EPHB4: variants seen among roughly 807,000 people sequenced by gnomAD.
The protein encoded by EPHB4 is EPH receptor B4, also known as ephrin type-B receptor 4.
EPHB4 carries 50 observed loss-of-function variants against 110.6 expected under a neutral mutation model. That is an observed-to-expected ratio of 0.45 (90% CI 0.36 to 0.57). The LOEUF (loss-of-function observed/expected upper bound fraction) is 0.57, where lower values mean the gene tolerates loss of function less well. Among genes scored for constraint, EPHB4 ranks in the 20% least tolerant of loss-of-function variants. EPHB4 has a pLI of 0.00. For missense variants in EPHB4, 1,128 were observed against 1,382.1 expected, an observed-to-expected ratio of 0.82 and a Z score of 2.91; for synonymous variants, 592 against 578.4, an observed-to-expected ratio of 1.02 and a Z score of -0.34.
At chr7:100,816,696 A>AC (rs1255024562) in intron 8 of EPHB4, among the ~76,000 whole-genome samples, 14 of 152,034 alleles carry the variant, frequency 9.2e-5, no homozygotes, top group African/African-American at 2.9e-4. Flanking sequence ...AGCAGGCCAG[A>AC]CTTCACAAAA....
At position 100,823,816 on chromosome 7, in the gene EPHB4, C is replaced by T. The variant is rs770404999; in HGVS notation, c.239G>A (p.Arg80Gln). ...AHWLRTGWVPRRGAVHVYATL... is the reference protein window; with the variant it reads ...AHWLRTGWVPQRGAVHVYATL... ...GGCGTACACGTGGACGGCGCCCCGCCGTGGGACCCAACCTGTGCGAAGCCA... is the reference window on the plus strand; with the variant it reads ...GGCGTACACGTGGACGGCGCCCCGCTGTGGGACCCAACCTGTGCGAAGCCA... Residue 80 changes from arginine to glutamine, a missense_variant, in exon 3 of 17, where the codon CGG becomes CAG. By Grantham distance (43) the Arg-to-Gln change is conservative (BLOSUM62 1). This residue lies in a region of EPHB4 where 728 missense variants were observed against 828.6 expected (regional missense o/e 0.88). Coordinates refer to ENST00000358173, the MANE Select transcript of EPHB4 (RefSeq NM_004444.5). The T allele has an allele frequency of 8.1e-6, 13 of 1,613,160 alleles. No individual in the cohort carries two copies. The highest frequency in any genetic ancestry group is 2.7e-5 in the African/African-American group (2 of 74,936).
chr7:100,806,413 C>T lies in EPHB4; in HGVS notation c.2484+7G>A. On this transcript the variant is annotated splice_region_variant and intron_variant, in intron 14 of 16. Transcript: ENST00000358173. ...AGGAAAGCTTGGTAGGACCACGGGACACTTACGTCCTGATTGCTCATGTCC... is the reference window on the plus strand; with the variant it reads ...AGGAAAGCTTGGTAGGACCACGGGATACTTACGTCCTGATTGCTCATGTCC... 6.2e-7 allele frequency: 1 copy of T among 1,609,718 alleles called. No homozygotes were observed. The highest frequency in any genetic ancestry group is 1.1e-5 in the South Asian group (1 of 90,598).
chr7:100,806,282 A>G, intron 14 of EPHB4, 138 bp downstream of exon 14: 5 of 1,107,644 alleles, frequency 4.5e-6, no homozygotes, highest in Non-Finnish European at 6.2e-6. Context: ...TCTTTGATAC[A>G]AAGATCAATT....
chr7:100,820,779 T>C (rs1382110654), intron 4 of EPHB4, among the ~76,000 whole-genome samples: 1 of 152,064 alleles, frequency 6.6e-6, no homozygotes, highest in African/African-American at 2.4e-5. Flanking sequence ...TTTCTTAACA[T>C]ATAGCAGCAA....
In EPHB4 at chr7:100,826,965, G is replaced by A. The variant is rs2304374; in HGVS notation, c.52+14C>T. The A allele has an allele frequency of 8.2e-6, 10 of 1,213,438 alleles. No homozygotes were observed. Among genetic ancestry groups the A allele is most frequent in the South Asian group, 4.7e-5 (3 of 63,760 alleles). The allele number at this position is 1,213,438 out of a possible 1,614,324, so 75.2% of individuals were successfully genotyped here. On this transcript the variant is annotated intron_variant, in intron 1 of 16. Transcript: ENST00000358173. ...GGAGTGACGGGGTGCGCCCCCCCCC[G>A]CAAGGAAACTCACCTTCCAAAGCTG...
In EPHB4 at chr7:100,818,508, G is replaced by C; in HGVS notation, c.1422+12C>G. On this transcript the variant is annotated intron_variant, in intron 7 of 16. Transcript: ENST00000358173. ...ATTGCCCACCCACCCCAGGGCTGGGGGATGGCCTTACCTTCTCATGGTATT... is the reference window on the plus strand; with the variant it reads ...ATTGCCCACCCACCCCAGGGCTGGGCGATGGCCTTACCTTCTCATGGTATT... 1 of 1,613,538 alleles carries C rather than the reference G, an allele frequency of 6.2e-7. No individual in the cohort carries two copies. The highest frequency in any genetic ancestry group is 8.5e-7 in the Non-Finnish European group (1 of 1,179,646).
chr7:100,821,560 G>A (rs952629905), intron 4 of EPHB4, among the ~76,000 whole-genome samples: 36 of 150,930 alleles, frequency 2.4e-4, no homozygotes, highest in Non-Finnish European at 2.8e-4. Context: ...CTTGGGAGGC[G>A]GAGCTTGCAG....
chr7:100,809,758 C>A (rs1812889629), intron 12 of EPHB4, among the ~76,000 whole-genome samples: 1 of 152,210 alleles, frequency 6.6e-6, no homozygotes, highest in Non-Finnish European at 1.5e-5. Flanking sequence ...GAGTGATCCA[C>A]CAGCCTCAGC....
intron 1 of EPHB4, chr7:100,825,492 C>G (rs1166380800): frequency 6.6e-6 from 1 of 152,332 alleles, no homozygotes; most frequent in East Asian, 1.9e-4. Context: ...CGTCCCAGCT[C>G]AGCTGCAGCC....
intron 13 of EPHB4, 128 bp downstream of exon 13, chr7:100,807,237 C>CA: frequency 1.1e-6 from 1 of 914,230 alleles, no homozygotes; most frequent in South Asian, 1.6e-5. Context: ...ACTGTCCCCC[C>CA]ACCCACAGCC....
At chr7:100,807,677 T>G in intron 12 of EPHB4, 97 bp from the exon 13 acceptor site, 1 of 1,320,112 alleles carries the variant, frequency 7.6e-7, no homozygotes, top group Non-Finnish European at 1.0e-6. Flanking sequence ...GGTCTTGTTC[T>G]GTCGCCCAGG....
Position 100,822,529 on chromosome 7 carries a change from A to G in EPHB4, c.550T>C (p.Cys184Arg). The change falls in exon 4 of 17, where the codon TGC becomes CGC. Residue 184 changes from cysteine to arginine, a missense_variant. Cys to Arg is a radical substitution (Grantham distance 180). Transcript: ENST00000358173. The surrounding 1 kb of genome is among the most constrained non-coding windows in gnomAD (Gnocchi z 4.7). ...AGGTGCAGGGATAGCAGGGCCATGCAGGCACCCTGGTCCTGGAAGGCCAGG... is the reference window on the plus strand; with the variant it reads ...AGGTGCAGGGATAGCAGGGCCATGCGGGCACCCTGGTCCTGGAAGGCCAGG... Reference protein sequence around the residue: ...FYLAFQDQGACMALLSLHLFY... With the variant: ...FYLAFQDQGARMALLSLHLFY... The G allele has an allele frequency of 6.2e-7, 1 of 1,613,434 alleles. No individual in the cohort carries two copies. The highest frequency in any genetic ancestry group is 8.5e-7 in the Non-Finnish European group (1 of 1,179,944).
At chr7:100,816,010 C>T (rs143467344) in intron 8 of EPHB4, among the ~76,000 whole-genome samples, 2,023 of 150,720 alleles carry the variant, frequency 0.013, 20 homozygotes, top group Middle Eastern at 0.045. Context: ...AAAGTTAGGC[C>T]GGGCGTGGTG....
intron 8 of EPHB4, 103 bp downstream of exon 8, chr7:100,817,089 A>AG: frequency 4.0e-6 from 3 of 753,094 alleles, no homozygotes; most frequent in Non-Finnish European, 5.3e-6. Context: ...TCTCAAAAAA[A>AG]AAAAAAAAAA....
At chr7:100,805,423 A>G in intron 15 of EPHB4, 78 bp downstream of exon 15, 1 of 1,566,570 alleles carries the variant, frequency 6.4e-7, no homozygotes, top group Non-Finnish European at 8.7e-7. Flanking sequence ...CTCCCACCCA[A>G]CACCAATGAA....
chr7:100,810,194 G>A (rs964311024), intron 12 of EPHB4, among the ~76,000 whole-genome samples: 1 of 152,138 alleles, frequency 6.6e-6, no homozygotes, highest in South Asian at 2.1e-4. Context: ...AGGTTGCAGT[G>A]AGCCGAGATT....
At chr7:100,811,182 G>A (rs1186021149) in intron 12 of EPHB4, among the ~76,000 whole-genome samples, 3 of 151,754 alleles carry the variant, frequency 2.0e-5, no homozygotes, top group Admixed American at 2.0e-4. Flanking sequence ...AACCCAGGAG[G>A]TGGACGTTGC....
intron 13 of EPHB4, 23 bp downstream of exon 13, chr7:100,807,342 C>T: frequency 6.2e-7 from 1 of 1,611,050 alleles, no homozygotes; most frequent in Non-Finnish European, 8.5e-7. Flanking sequence ...GAAGCTCACA[C>T]CCAGTATTAC....
chr7:100,806,288 C>T (rs890653624), intron 14 of EPHB4, 132 bp downstream of exon 14: 1 of 1,139,336 alleles, frequency 8.8e-7, no homozygotes, highest in African/African-American at 1.6e-5. Context: ...ATACAAAGAT[C>T]AATTCTCCTT....
Sources: gnomAD v4.1 joint callset for allele counts (sites outside exome capture counted in the v4.1 genomes callset) on GRCh38, gnomAD v4.1.1 for gene constraint, gnomAD v4.1.1 regional missense constraint, Gnocchi (gnomAD v3.1) non-coding constraint, MANE v1.5 for transcripts, NCBI Gene and HGNC (gene_info 2026-07-23, HGNC 2026-07-21) for gene names.